EFCAB6: variants seen among roughly 807,000 people sequenced by gnomAD.
EFCAB6 encodes EF-hand calcium binding domain 6.
In EFCAB6, 156 loss-of-function variants were observed where a neutral mutation model predicts 169.8. That is an observed-to-expected ratio of 0.92 (90% confidence interval 0.81 to 1.05). The LOEUF (loss-of-function observed/expected upper bound fraction) is 1.05, where lower values mean the gene tolerates loss of function less well. Ranked by LOEUF, EFCAB6 falls within the 50% of genes least tolerant of loss-of-function variation. The probability of loss-of-function intolerance (pLI) is 0.00; values close to 1 mark genes in which losing one functional copy is unlikely to be tolerated. For synonymous variants in EFCAB6, 698 were observed against 676.4 expected (o/e 1.03, Z -0.50); for missense variants, 1,800 against 1,829.1 (o/e 0.98, Z 0.29).
At chr22:43,779,145 A>G (rs1031112091) in intron 3 of EFCAB6, among the ~76,000 whole-genome samples, 2 of 152,250 alleles carry the variant, frequency 1.3e-5, no homozygotes, top group Non-Finnish European at 2.9e-5. Flanking sequence ...TTAAAAATAC[A>G]ATATCAGAAG....
chr22:43,750,650 TAGGC>T (rs2060725328), intron 6 of EFCAB6, among the ~76,000 whole-genome samples: 1 of 151,092 alleles, frequency 6.6e-6, no homozygotes, highest in African/African-American at 2.5e-5. Context: ...GCCTTTTTGT[TAGGC>T]AAACAGACTG....
At chr22:43,590,366 C>T (rs979904133) in intron 23 of EFCAB6, 137 bp from the exon 24 acceptor site, 2 of 956,372 alleles carry the variant, frequency 2.1e-6, no homozygotes, top group Admixed American at 2.9e-5. Context: ...GTTTTACAGC[C>T]TCAGTGTAAT....
chr22:43,774,092 C>G (rs2061562725), intron 3 of EFCAB6, among the ~76,000 whole-genome samples: 1 of 151,996 alleles, frequency 6.6e-6, no homozygotes, highest in Admixed American at 6.6e-5. Flanking sequence ...ATTGCCTCAT[C>G]CTTTATAATA....
chr22:43,728,513 C>T (rs1466463143), intron 8 of EFCAB6, among the ~76,000 whole-genome samples: 1 of 152,200 alleles, frequency 6.6e-6, no homozygotes, highest in African/African-American at 2.4e-5. Context: ...GTTGAACTAA[C>T]TTACACTCCC....
intron 10 of EFCAB6, among the ~76,000 whole-genome samples, chr22:43,691,103 G>C (rs1388542566): frequency 6.6e-6 from 1 of 152,086 alleles, no homozygotes; most frequent in Non-Finnish European, 1.5e-5. Context: ...GAGAAAGAGA[G>C]ACGGAGACTG....
intron 13 of EFCAB6, among the ~76,000 whole-genome samples, chr22:43,674,757 T>C (rs1300499269): frequency 6.6e-6 from 1 of 152,194 alleles, no homozygotes; most frequent in Non-Finnish European, 1.5e-5. Flanking sequence ...CCTTACAAGG[T>C]GGTACCATAA....
intron 27 of EFCAB6, among the ~76,000 whole-genome samples, chr22:43,550,840 GA>G (rs1320227226): frequency 6.6e-6 from 1 of 151,946 alleles, no homozygotes; most frequent in Non-Finnish European, 1.5e-5. Flanking sequence ...ACCCAGTTCC[GA>G]CTGCCTTTTA....
chr22:43,778,934 T>C (rs918318855), intron 3 of EFCAB6, among the ~76,000 whole-genome samples: 3 of 152,030 alleles, frequency 2.0e-5, no homozygotes, highest in African/African-American at 7.3e-5. Context: ...AAAAGGTAAC[T>C]TAATCCAGGT....
At chr22:43,554,569 C>T (rs74805248) in intron 27 of EFCAB6, 5,211 of 404,262 alleles carry the variant, frequency 0.013, 208 homozygotes, top group African/African-American at 0.095. Flanking sequence ...CAGACCCAGA[C>T]CACATTACCT....
chr22:43,730,994 C>T (rs1017476769), intron 8 of EFCAB6, among the ~76,000 whole-genome samples: 2 of 152,102 alleles, frequency 1.3e-5, no homozygotes, highest in Non-Finnish European at 1.5e-5. Context: ...CATTCAGGGG[C>T]AGTCACTCCT....
intron 24 of EFCAB6, among the ~76,000 whole-genome samples, chr22:43,581,743 T>C (rs975992578): frequency 2.0e-5 from 3 of 152,180 alleles, no homozygotes; most frequent in Non-Finnish European, 2.9e-5. Context: ...CTAAAGAAGA[T>C]GAGCCAAGAG....
intron 24 of EFCAB6, among the ~76,000 whole-genome samples, chr22:43,582,703 C>CAA (rs1236848637): frequency 6.6e-6 from 1 of 151,886 alleles, no homozygotes; most frequent in African/African-American, 2.4e-5. Flanking sequence ...GAAAATGTGG[C>CAA]AGGGGGTGGG....
intron 2 of EFCAB6, among the ~76,000 whole-genome samples, chr22:43,790,912 A>G (rs1166974407): frequency 6.6e-6 from 1 of 152,234 alleles, no homozygotes; most frequent in Non-Finnish European, 1.5e-5. Flanking sequence ...TTGATTCAGC[A>G]TGCAAAAGAA....
intron 12 of EFCAB6, 108 bp from the exon 13 acceptor site, chr22:43,678,271 T>A: frequency 2.2e-6 from 2 of 898,460 alleles, no homozygotes; most frequent in Non-Finnish European, 3.3e-6. Context: ...TTTGGCCAAA[T>A]AGAATTATGA....
At chr22:43,673,675 G>A (rs2146997061) in intron 13 of EFCAB6, among the ~76,000 whole-genome samples, 1 of 152,274 alleles carries the variant, frequency 6.6e-6, no homozygotes, top group South Asian at 2.1e-4. Context: ...AGCTACTCGG[G>A]AGGCTGTCGC....
At position 43,580,512 on chromosome 22, in the gene EFCAB6, C is replaced by T. The variant is rs1263570073; in HGVS notation, c.3180G>A (p.Val1060=). The part of the protein sequence containing the change: ...NFATLNPQEA[V]RKIQEVVESS... ...ACTCAACTACTTCCTGGATCTTCCT[C>T]ACAGCCTCCTGTGGATTCAGCGTTG... is the stretch of plus-strand genomic sequence containing the variant. The change falls in exon 25 of 32, where the codon GTG becomes GTA. Residue 1060 remains valine, a synonymous_variant. Coordinates refer to ENST00000262726, the MANE Select transcript of EFCAB6 (RefSeq NM_022785.4). 2 of 1,614,152 alleles carry T rather than the reference C, an allele frequency of 1.2e-6. No individual in the cohort carries two copies. Among genetic ancestry groups the T allele is most frequent in the Admixed American group, 3.3e-5 (2 of 60,030 alleles).
At chr22:43,632,294 CTTTT>C (rs200314912) in intron 18 of EFCAB6, 56 bp from the exon 19 acceptor site, 2,725 of 1,124,606 alleles carry the variant, frequency 2.4e-3, no homozygotes, top group Middle Eastern at 3.7e-3. Context: ...TTCATTCCTT[CTTTT>C]TTTTTTTTTT....
At chr22:43,716,667 A>C in intron 9 of EFCAB6, 181 bp downstream of exon 9, 1 of 569,030 alleles carries the variant, frequency 1.8e-6, no homozygotes, top group Non-Finnish European at 2.7e-6. Context: ...CATCACCATC[A>C]CGATTATCCA....
intron 12 of EFCAB6, 28 bp from the exon 13 acceptor site, chr22:43,678,191 T>C: frequency 6.5e-7 from 1 of 1,546,380 alleles, no homozygotes; most frequent in Non-Finnish European, 8.7e-7. Context: ...TATAAGGGAA[T>C]TTTTGAAAAA....
Sources: allele counts gnomAD v4.1 joint callset (sites outside exome capture counted in the v4.1 genomes callset), GRCh38; gene constraint gnomAD v4.1.1; transcripts MANE v1.5; gene names NCBI Gene and HGNC (gene_info 2026-07-23, HGNC 2026-07-21).